GLT1D1: variants seen among roughly 807,000 people sequenced by gnomAD.
The protein encoded by GLT1D1 is glycosyltransferase 1 domain-containing protein 1.
Under a neutral mutation model 28.7 loss-of-function variants are expected in GLT1D1, and 21 were observed. The observed-to-expected ratio is 0.73, with a 90% CI of 0.52 to 1.05. The LOEUF is 1.05. GLT1D1 is among the 50% of genes least tolerant of loss of function. The pLI is 0.00. For synonymous variants in GLT1D1, 147 were observed against 124.8 expected, an observed-to-expected ratio of 1.18 and a Z score of -1.19; for missense variants, 343 against 330.6, an observed-to-expected ratio of 1.04 and a Z score of -0.29.
At chr12:128,889,550 G>T (rs771096846) in intron 3 of GLT1D1, among the ~76,000 whole-genome samples, 11 of 152,122 alleles carry the variant, frequency 7.2e-5, no homozygotes, top group Admixed American at 2.0e-4. Flanking sequence ...TAATTCTAAT[G>T]CCCCCAGGGT....
At chr12:128,969,306 T>TC in intron 7 of GLT1D1, among the ~76,000 whole-genome samples, 1 of 152,126 alleles carries the variant, frequency 6.6e-6, no homozygotes, top group South Asian at 2.1e-4. Flanking sequence ...CCTGTCTCCC[T>TC]CCCTCCCCTC....
chr12:128,960,827 G>C (rs1376525627), intron 7 of GLT1D1, among the ~76,000 whole-genome samples: 1 of 152,160 alleles, frequency 6.6e-6, no homozygotes, highest in East Asian at 1.9e-4. Flanking sequence ...TTTTAAGAAG[G>C]AATGTCCATG....
chr12:128,940,317 GC>G (rs1875063310), intron 4 of GLT1D1, among the ~76,000 whole-genome samples: 1 of 152,152 alleles, frequency 6.6e-6, no homozygotes, highest in South Asian at 2.1e-4. Flanking sequence ...TACGAATTCA[GC>G]CCCTGGGGTC....
At chr12:128,867,440 A>G (rs1441015878) in intron 1 of GLT1D1, among the ~76,000 whole-genome samples, 1 of 149,644 alleles carries the variant, frequency 6.7e-6, no homozygotes. Context: ...AAGGAAAAGA[A>G]AAAAAAGAGA....
At chr12:128,955,964 G>A (rs987806740) in intron 6 of GLT1D1, among the ~76,000 whole-genome samples, 1 of 151,536 alleles carries the variant, frequency 6.6e-6, no homozygotes, top group Non-Finnish European at 1.5e-5. Flanking sequence ...AATACTGTGA[G>A]TTGGCTAACA....
chr12:128,981,083 G>T (rs1249032607), intron 7 of GLT1D1, among the ~76,000 whole-genome samples: 1 of 152,206 alleles, frequency 6.6e-6, no homozygotes, highest in Non-Finnish European at 1.5e-5. Context: ...ATTCAAGAGA[G>T]ATTTTTGCTT....
intron 7 of GLT1D1, among the ~76,000 whole-genome samples, chr12:128,961,419 C>T (rs1877927760): frequency 6.6e-6 from 1 of 152,162 alleles, no homozygotes; most frequent in Non-Finnish European, 1.5e-5. Context: ...CCTAAGTGTC[C>T]ATCAACAGAT....
intron 6 of GLT1D1, among the ~76,000 whole-genome samples, chr12:128,957,168 T>G (rs1877393039): frequency 1.3e-5 from 2 of 152,232 alleles, no homozygotes; most frequent in Admixed American, 6.5e-5. Context: ...CCCTTGCCTG[T>G]GCTGGAAGGA....
chr12:128,973,950 T>TG lies in GLT1D1; in HGVS notation c.640-8971dup, dbSNP rs199984214. Among the ~76,000 whole-genome samples the TG allele has an allele frequency of 6.7e-3, 719 of 107,084 alleles. 15 individuals carry two copies. Among genetic ancestry groups the TG allele is most frequent in the African/African-American group, 0.026 (676 of 26,206 alleles). 70.3% of individuals were successfully genotyped at this position (107,084 alleles called of 152,430 possible). A position where few individuals can be genotyped will look rare whatever the true frequency, so the allele number is the denominator to read the frequency against. ...TGTGTGTGTGTAGGGTGTGTGTGTG[T>TG]GGGGGGGGCGCTTGGTGATCTGTGC... On this transcript the variant is annotated intron_variant, in intron 7 of 7. Coordinates refer to ENST00000281703, the MANE Select transcript of GLT1D1 (RefSeq NM_144669.3).
intron 4 of GLT1D1, among the ~76,000 whole-genome samples, chr12:128,931,550 C>T (rs558004714): frequency 1.9e-4 from 29 of 149,974 alleles, no homozygotes; most frequent in Admixed American, 8.0e-4. Context: ...TCCGGTGATC[C>T]GCCTGCCTCG....
intron 7 of GLT1D1, among the ~76,000 whole-genome samples, chr12:128,980,931 A>G (rs916553520): frequency 6.6e-6 from 1 of 152,168 alleles, no homozygotes; most frequent in African/African-American, 2.4e-5. Flanking sequence ...TTTGCAAACC[A>G]TCTTCGCTGG....
chr12:128,860,921 T>A (rs895444739), intron 1 of GLT1D1, among the ~76,000 whole-genome samples: 5 of 151,786 alleles, frequency 3.3e-5, no homozygotes, highest in Non-Finnish European at 7.4e-5. Flanking sequence ...TTTCTAACGG[T>A]GAAGTTCAAA....
At chr12:128,944,663 G>A in intron 4 of GLT1D1, 1 of 727,126 alleles carries the variant, frequency 1.4e-6, no homozygotes, top group Non-Finnish European at 2.6e-6. Flanking sequence ...TCTGCCTGTG[G>A]AAGTGTCCTT....
At chr12:128,975,848 G>A (rs1879717970) in intron 7 of GLT1D1, among the ~76,000 whole-genome samples, 1 of 152,202 alleles carries the variant, frequency 6.6e-6, no homozygotes, top group Non-Finnish European at 1.5e-5. Flanking sequence ...ATAAATCAAT[G>A]ACTACTCTGT....
At chr12:128,866,507 C>T (rs1593051809) in intron 1 of GLT1D1, among the ~76,000 whole-genome samples, 1 of 151,468 alleles carries the variant, frequency 6.6e-6, no homozygotes, top group Non-Finnish European at 1.5e-5. Flanking sequence ...AGCCCCCCAA[C>T]AGCCTCTGGG....
chr12:128,884,707 G>A (rs1957137798), intron 2 of GLT1D1, among the ~76,000 whole-genome samples: 2 of 152,040 alleles, frequency 1.3e-5, no homozygotes, highest in East Asian at 1.9e-4. Context: ...CCAGCTACTT[G>A]GGAGGCTGAG....
chr12:128,969,792 A>G (rs904291306), intron 7 of GLT1D1, among the ~76,000 whole-genome samples: 7 of 152,186 alleles, frequency 4.6e-5, no homozygotes, highest in Admixed American at 6.5e-5. Flanking sequence ...AGGAGGAGGC[A>G]TCTCTGCGTC....
intron 7 of GLT1D1, among the ~76,000 whole-genome samples, chr12:128,980,057 T>C (rs756431243): frequency 4.6e-5 from 7 of 152,244 alleles, no homozygotes; most frequent in Middle Eastern, 3.2e-3. Flanking sequence ...TCGGGACTGT[T>C]TGTGGTTTCT....
chr12:128,857,317 C>T lies in GLT1D1; in HGVS notation c.68+3668C>T, dbSNP rs529821378. 1.1e-4 allele frequency among the ~76,000 whole-genome samples: 17 copies of T among 152,308 alleles called. 1 individual carries two copies. In the South Asian group the frequency reaches 3.5e-3, roughly 32 times the overall value. ...GGGCAGGGTTTATGCAGAAGGTTGACTTCAGCTAAACTGGAGTGGAGGGCC... is the reference window on the plus strand; with the variant it reads ...GGGCAGGGTTTATGCAGAAGGTTGATTTCAGCTAAACTGGAGTGGAGGGCC... On this transcript the variant is annotated intron_variant, in intron 1 of 7. Coordinates refer to ENST00000281703, the MANE Select transcript of GLT1D1 (RefSeq NM_144669.3).
Sources: gnomAD v4.1 joint callset for allele counts (sites outside exome capture counted in the v4.1 genomes callset) on GRCh38, gnomAD v4.1.1 for gene constraint, MANE v1.5 for transcripts, NCBI Gene and HGNC (gene_info 2026-07-23, HGNC 2026-07-21) for gene names.